The following DGKI variants were observed in gnomAD, a reference collection of about 807,000 sequenced individuals.
DGKI encodes diacylglycerol kinase iota.
A neutral mutation model predicts 147.5 loss-of-function variants in DGKI; 55 were observed. That is an observed-to-expected ratio of 0.37 (90% CI 0.30 to 0.47). The LOEUF (loss-of-function observed/expected upper bound fraction) is 0.47, where lower values mean the gene tolerates loss of function less well. Ranked by LOEUF, DGKI falls within the 20% of genes least tolerant of loss-of-function variation. The pLI is 1.00. For missense variants in DGKI, 1,007 were observed against 1,323.8 expected (o/e 0.76, Z 3.71); for synonymous variants, 469 against 477.1 (o/e 0.98, Z 0.22).
intron 20 of DGKI, among the ~76,000 whole-genome samples, chr7:137,527,040 A>G (rs746681876): frequency 3.3e-5 from 5 of 152,208 alleles, no homozygotes; most frequent in Non-Finnish European, 7.3e-5. Flanking sequence ...ATATTAAGAC[A>G]TGATAGCAAG....
chr7:137,435,938 T>A (rs1251769481), intron 28 of DGKI, among the ~76,000 whole-genome samples: 1 of 152,062 alleles, frequency 6.6e-6, no homozygotes, highest in Non-Finnish European at 1.5e-5. Flanking sequence ...CACCATCATG[T>A]CAGGCTTATT....
intron 1 of DGKI, among the ~76,000 whole-genome samples, chr7:137,766,703 A>T (rs760418907): frequency 2.0e-5 from 3 of 152,112 alleles, no homozygotes; most frequent in African/African-American, 4.8e-5. Flanking sequence ...TGAAAGAGGG[A>T]TCCTCAGGAA....
chr7:137,452,636 A>T (rs1252942409), intron 27 of DGKI, among the ~76,000 whole-genome samples: 2 of 152,206 alleles, frequency 1.3e-5, no homozygotes, highest in Non-Finnish European at 2.9e-5. Flanking sequence ...TGAGAACCAC[A>T]GCAAAAAGAC....
chr7:137,765,608 A>G (rs1017376959), intron 1 of DGKI, among the ~76,000 whole-genome samples: 1 of 152,234 alleles, frequency 6.6e-6, no homozygotes, highest in Non-Finnish European at 1.5e-5. Context: ...GCCTTCCTGC[A>G]GAAACCGTTC....
intron 2 of DGKI, among the ~76,000 whole-genome samples, chr7:137,687,234 A>G (rs1161074747): frequency 6.6e-6 from 1 of 152,188 alleles, no homozygotes; most frequent in Non-Finnish European, 1.5e-5. Flanking sequence ...ACCTTATCAA[A>G]GGCAAGAGAC....
chr7:137,618,151 A>ATATATATTT, intron 8 of DGKI, among the ~76,000 whole-genome samples: 11 of 10,460 alleles, frequency 1.1e-3, no homozygotes, highest in Admixed American at 3.6e-3. Flanking sequence ...ATATATATAT[A>ATATATATTT]TTTTTTTTTT....
chr7:137,838,722 A>G (rs568204128), intron 1 of DGKI, among the ~76,000 whole-genome samples: 1 of 152,212 alleles, frequency 6.6e-6, no homozygotes, highest in Non-Finnish European at 1.5e-5. Flanking sequence ...TTTATTTCAC[A>G]GTCCTGAGCC....
intron 1 of DGKI, among the ~76,000 whole-genome samples, chr7:137,749,336 T>G (rs554497695): frequency 8.5e-4 from 130 of 152,306 alleles, no homozygotes; most frequent in Non-Finnish European, 1.6e-3. Context: ...TAGCTGCTCC[T>G]GGTAGACATC....
At chr7:137,743,381 TA>T (rs1202354695) in intron 1 of DGKI, among the ~76,000 whole-genome samples, 1 of 152,202 alleles carries the variant, frequency 6.6e-6, no homozygotes, top group Non-Finnish European at 1.5e-5. Flanking sequence ...TGCTTGATCA[TA>T]AAACAAGTCT....
At chr7:137,549,931 G>A (rs1210329377) in intron 20 of DGKI, among the ~76,000 whole-genome samples, 1 of 152,136 alleles carries the variant, frequency 6.6e-6, no homozygotes, top group Non-Finnish European at 1.5e-5. Context: ...TTGAAAATGT[G>A]CTATCCGTAT....
At chr7:137,395,916 C>T in intron 31 of DGKI, 2 of 516,954 alleles carry the variant, frequency 3.9e-6, no homozygotes, top group Non-Finnish European at 3.5e-6. Flanking sequence ...GCCCCCTTTC[C>T]AAATAGTGTT....
At chr7:137,493,244 A>G (rs1473990875) in intron 21 of DGKI, among the ~76,000 whole-genome samples, 1 of 151,768 alleles carries the variant, frequency 6.6e-6, no homozygotes, top group Non-Finnish European at 1.5e-5. Flanking sequence ...ACACATGGAG[A>G]CCACCAGCCC....
intron 3 of DGKI, among the ~76,000 whole-genome samples, chr7:137,660,366 A>G (rs1397083745): frequency 6.6e-6 from 1 of 152,244 alleles, no homozygotes; most frequent in Non-Finnish European, 1.5e-5. Flanking sequence ...GCTAGGTTTT[A>G]GGATGGTGGG....
At chr7:137,606,656 A>AT (rs1820195169) in intron 10 of DGKI, among the ~76,000 whole-genome samples, 2 of 152,190 alleles carry the variant, frequency 1.3e-5, no homozygotes, top group Non-Finnish European at 2.9e-5. Flanking sequence ...AAGCCAAAAG[A>AT]TTTTTTAAAC....
intron 21 of DGKI, among the ~76,000 whole-genome samples, chr7:137,516,546 C>A (rs770698975): frequency 1.5e-4 from 23 of 151,670 alleles, no homozygotes; most frequent in Non-Finnish European, 2.9e-4. Context: ...GTTATTATCA[C>A]ATTTTTTAAA....
chr7:137,567,370 G>T (rs1192298788), intron 19 of DGKI, among the ~76,000 whole-genome samples: 5 of 151,672 alleles, frequency 3.3e-5, no homozygotes, highest in Non-Finnish European at 4.4e-5. Flanking sequence ...AAAGGAGAAA[G>T]AAAGCCAGAC....
intron 1 of DGKI, among the ~76,000 whole-genome samples, chr7:137,720,231 T>C (rs190819162): frequency 2.0e-4 from 30 of 150,818 alleles, no homozygotes; most frequent in Non-Finnish European, 3.2e-4. Context: ...ACTTTAAGGT[T>C]TTTCACACTT....
In DGKI at chr7:137,835,921, G is replaced by A. The variant is rs1798366836; in HGVS notation, c.401+10541C>T. On this transcript the variant is annotated intron_variant, in intron 1 of 32. Coordinates refer to ENST00000614521, the MANE Select transcript of DGKI (RefSeq NM_001321708.2). ...TGTCCCTTATGGCACATGGCCTTGGGAAAGTCGCTTAGCTACTGTGACTGT... is the reference window on the plus strand; with the variant it reads ...TGTCCCTTATGGCACATGGCCTTGGAAAAGTCGCTTAGCTACTGTGACTGT... 3.3e-5 allele frequency among the ~76,000 whole-genome samples: 5 copies of A among 152,202 alleles called. No individual in the cohort carries two copies. The South Asian group carries it at 1.0e-3, about 31-fold the overall frequency.
chr7:137,601,470 A>G (rs1819989570), intron 10 of DGKI, among the ~76,000 whole-genome samples: 1 of 152,216 alleles, frequency 6.6e-6, no homozygotes, highest in African/African-American at 2.4e-5. Flanking sequence ...CTAGGTTTGT[A>G]TATCTAATAA....
Sources: allele counts gnomAD v4.1 joint callset (sites outside exome capture counted in the v4.1 genomes callset), GRCh38; gene constraint gnomAD v4.1.1; transcripts MANE v1.5; gene names NCBI Gene and HGNC (gene_info 2026-07-23, HGNC 2026-07-21).